The following HHLA1 variants were observed in gnomAD, a reference collection of about 807,000 sequenced individuals.
HHLA1 encodes HHLA1 neighbor of OC90.
Under a neutral mutation model 69.9 loss-of-function variants are expected in HHLA1, and 72 were observed. The observed-to-expected ratio is 1.03, with a 90% confidence interval of 0.85 to 1.25. The LOEUF (loss-of-function observed/expected upper bound fraction) is 1.25. Ranked by LOEUF, HHLA1 falls within the 50% of genes most tolerant of loss-of-function variation. HHLA1 has a pLI of 0.00. For missense variants in HHLA1, 685 were observed against 642.2 expected, an observed-to-expected ratio of 1.07 and a Z score of -0.72; for synonymous variants, 252 against 233.2, an observed-to-expected ratio of 1.08 and a Z score of -0.73.
chr8:132,105,086 AT>A (rs1824181696), intron 2 of HHLA1, 100 bp downstream of exon 2: 1 of 878,752 alleles, frequency 1.1e-6, no homozygotes, highest in African/African-American at 1.7e-5. Context: ...ATTCATTTGG[AT>A]TCTGGGCAGA....
At chr8:132,101,430 T>C (rs1282663118) in intron 3 of HHLA1, among the ~76,000 whole-genome samples, 2 of 152,186 alleles carry the variant, frequency 1.3e-5, no homozygotes, top group Non-Finnish European at 2.9e-5. Context: ...ATGTACCATA[T>C]TGGGCTAGTG....
At chr8:132,107,039 G>A (rs1422145098) in intron 1 of HHLA1, among the ~76,000 whole-genome samples, 1 of 152,058 alleles carries the variant, frequency 6.6e-6, no homozygotes. Flanking sequence ...CTGGAATATG[G>A]TAGATATTAG....
intron 10 of HHLA1, among the ~76,000 whole-genome samples, chr8:132,087,271 G>C (rs1224389970): frequency 6.6e-6 from 1 of 152,176 alleles, no homozygotes; most frequent in African/African-American, 2.4e-5. Flanking sequence ...GGGTATTACA[G>C]AGTGGCCAGG....
chr8:132,085,541 G>A (rs754961821), intron 10 of HHLA1: 5 of 288,906 alleles, frequency 1.7e-5, no homozygotes, highest in South Asian at 5.8e-5. Context: ...TCCGAGTGAC[G>A]GCACCAAATT....
chr8:132,096,735 G>C (rs1824032179), intron 5 of HHLA1, among the ~76,000 whole-genome samples: 1 of 152,116 alleles, frequency 6.6e-6, no homozygotes, highest in Non-Finnish European at 1.5e-5. Context: ...GTGATCCCAG[G>C]TCTACTAAAT....
intron 2 of HHLA1, 76 bp from the exon 3 acceptor site, chr8:132,104,243 A>T: frequency 1.0e-6 from 1 of 983,600 alleles, no homozygotes; most frequent in South Asian, 1.5e-5. Flanking sequence ...CAACATACCC[A>T]TTTTACAGAT....
chr8:132,066,478 T>A (rs1823441806), intron 15 of HHLA1, among the ~76,000 whole-genome samples: 1 of 152,120 alleles, frequency 6.6e-6, no homozygotes, highest in South Asian at 2.1e-4. Context: ...AAAATAACAT[T>A]CTGTTCTTGG....
At chr8:132,082,668 A>G (rs1823776848) in intron 10 of HHLA1, among the ~76,000 whole-genome samples, 1 of 152,134 alleles carries the variant, frequency 6.6e-6, no homozygotes, top group South Asian at 2.1e-4. Flanking sequence ...AAGTGAAAGC[A>G]AAGAGAGGCT....
rs149625009 is a variant in HHLA1 at position 132,072,964 on chromosome 8, T to A, written c.1316-1471A>T. Among the ~76,000 whole-genome samples, 12 of 152,324 alleles carry A rather than the reference T, an allele frequency of 7.9e-5. No homozygotes were observed. The East Asian group carries it at 2.3e-3, about 29-fold the overall frequency. On this transcript the variant is annotated intron_variant, in intron 14 of 16. Coordinates refer to ENST00000414222, the MANE Select transcript of HHLA1 (RefSeq NM_001145095.3). ...CAATTCATTTGAGAATTCCTTTGAC[T>A]GACTACATAAATCTTTTCCCCTCAA...
Position 132,098,880 on chromosome 8 carries a change from A to G in HHLA1, c.280+2T>C, listed in dbSNP as rs1455951992. 6 of 1,542,240 alleles carry G rather than the reference A, an allele frequency of 3.9e-6. No individual in the cohort carries two copies. Among genetic ancestry groups the G allele is most frequent in the African/African-American group, 1.4e-5 (1 of 72,566 alleles). On this transcript the variant is annotated splice_donor_variant, in intron 5 of 16. Transcript: ENST00000414222. LOFTEE classifies it high-confidence loss of function. ...TGGATTGTGCTTTTAAAATATGATT[A>G]CCTTTTAACGCTCTACTGAGCATCC...
At chr8:132,109,533 C>A (rs1824262098) in intron 1 of HHLA1, among the ~76,000 whole-genome samples, 1 of 152,094 alleles carries the variant, frequency 6.6e-6, no homozygotes, top group Admixed American at 6.6e-5. Flanking sequence ...GGGTTTCATC[C>A]CCTAGAGTAC....
intron 7 of HHLA1, among the ~76,000 whole-genome samples, chr8:132,092,482 C>A (rs1484908123): frequency 6.6e-6 from 1 of 152,146 alleles, no homozygotes; most frequent in Non-Finnish European, 1.5e-5. Flanking sequence ...ATCATGGGGG[C>A]AGACTTCTCA....
At chr8:132,098,380 C>T (rs2130896923) in intron 5 of HHLA1, among the ~76,000 whole-genome samples, 1 of 152,284 alleles carries the variant, frequency 6.6e-6, no homozygotes, top group East Asian at 1.9e-4. Flanking sequence ...CATACCATGT[C>T]TGTATTGCAA....
At chr8:132,065,368 G>T (rs964663223) in intron 16 of HHLA1, among the ~76,000 whole-genome samples, 2 of 152,174 alleles carry the variant, frequency 1.3e-5, no homozygotes, top group Non-Finnish European at 2.9e-5. Flanking sequence ...TGCAAGCTCT[G>T]CCTCCTAGGT....
chr8:132,103,383 C>G (rs1008000577), intron 3 of HHLA1, among the ~76,000 whole-genome samples: 1 of 152,090 alleles, frequency 6.6e-6, no homozygotes, highest in Non-Finnish European at 1.5e-5. Flanking sequence ...TTTGGAAGGC[C>G]GAGGCAAGTG....
Position 132,095,726 on chromosome 8 carries a change from T to G in HHLA1, c.341A>C (p.Lys114Thr), listed in dbSNP as rs779120454. The change falls in exon 6 of 17, where the codon AAG becomes ACG. Residue 114 changes from lysine to threonine, a missense_variant. Lys to Thr is a moderately conservative substitution (Grantham distance 78). Transcript: ENST00000414222. ...VTSYSSFAFH[K>T]FSVAVYNISN... ...ACTGTTGTAAACAGCTACAGAAAACTTGTGGAAGGCGAAGGAACTGTAGGA... is the reference window on the plus strand; with the variant it reads ...ACTGTTGTAAACAGCTACAGAAAACGTGTGGAAGGCGAAGGAACTGTAGGA... 14 of 1,550,822 alleles carry G rather than the reference T, an allele frequency of 9.0e-6. 1 individual carries two copies. The South Asian group carries it at 1.7e-4, about 18-fold the overall frequency.
chr8:132,076,980 T>C (rs950614292), intron 12 of HHLA1, among the ~76,000 whole-genome samples: 3 of 152,136 alleles, frequency 2.0e-5, no homozygotes, highest in Admixed American at 6.5e-5. Flanking sequence ...ACGGGCTCAG[T>C]TCAACAATTT....
intron 7 of HHLA1, 51 bp from the exon 8 acceptor site, chr8:132,089,650 G>C: frequency 1.1e-6 from 1 of 878,434 alleles, no homozygotes; most frequent in Non-Finnish European, 1.9e-6. Context: ...GACAAAAGGA[G>C]AAAAGTATAC....
chr8:132,089,262 T>A (rs1823907366), intron 8 of HHLA1, among the ~76,000 whole-genome samples: 2 of 152,224 alleles, frequency 1.3e-5, no homozygotes, highest in Admixed American at 6.5e-5. Context: ...TGAGTCTGCC[T>A]ACGTTCCTTA....
Sources: allele counts gnomAD v4.1 joint callset (sites outside exome capture counted in the v4.1 genomes callset), GRCh38; gene constraint gnomAD v4.1.1; transcripts MANE v1.5; gene names NCBI Gene and HGNC (gene_info 2026-07-23, HGNC 2026-07-21).